TENM2: variants seen among roughly 807,000 people sequenced by gnomAD.
TENM2 encodes teneurin transmembrane protein 2.
TENM2 carries 52 observed loss-of-function variants against 245.2 expected under a neutral mutation model. The observed-to-expected ratio is 0.21, with a 90% CI of 0.17 to 0.27. The LOEUF (loss-of-function observed/expected upper bound fraction) is 0.27, where lower values mean the gene tolerates loss of function less well. Ranked by LOEUF, TENM2 falls within the 10% of genes least tolerant of loss-of-function variation. The probability of loss-of-function intolerance (pLI) is 1.00; values close to 1 mark genes in which losing one functional copy is unlikely to be tolerated. For synonymous variants in TENM2, 1,363 were observed against 1,438.9 expected (o/e 0.95, Z 1.19); for missense variants, 3,046 against 3,666.8 (o/e 0.83, Z 4.37).
In TENM2 at chr5:167,853,289, C is replaced by CAAAAAAAAAAAAAAAAA. The variant is rs777170514; in HGVS notation, c.503-22690_503-22674dup. The stretch of plus-strand genomic sequence containing the variant: ...TGGGAGACAGAGCGAGACTCCGTCT[C>CAAAAAAAAAAAAAAAAA]AAAAAAAAAAAAAAAAAAAAAAAGA... On this transcript the variant is annotated intron_variant, in intron 2 of 28. Transcript: ENST00000518659. 2.6e-3 allele frequency among the ~76,000 whole-genome samples: 63 copies of CAAAAAAAAAAAAAAAAA among 24,606 alleles called. 2 individuals are homozygous for CAAAAAAAAAAAAAAAAA. Among genetic ancestry groups the CAAAAAAAAAAAAAAAAA allele is most frequent in the African/African-American group, 5.9e-3 (39 of 6,624 alleles). 16.1% of individuals were successfully genotyped at this position (24,606 alleles called of 152,430 possible). A position where few individuals can be genotyped will look rare whatever the true frequency, so the allele number is the denominator to read the frequency against.
chr5:167,962,248 A>G (rs1276929513), intron 4 of TENM2, among the ~76,000 whole-genome samples: 1 of 152,062 alleles, frequency 6.6e-6, no homozygotes, highest in Non-Finnish European at 1.5e-5. Context: ...AAAGAAAAAA[A>G]TTGGTGGGAA....
intron 2 of TENM2, among the ~76,000 whole-genome samples, chr5:167,701,540 C>G (rs1169113012): frequency 2.6e-5 from 4 of 152,082 alleles, no homozygotes; most frequent in African/African-American, 9.7e-5. Context: ...ATATTTGAGA[C>G]CATTGACTTT....
chr5:167,614,794 C>G (rs1326042513), intron 2 of TENM2, among the ~76,000 whole-genome samples: 1 of 152,114 alleles, frequency 6.6e-6, no homozygotes, highest in Non-Finnish European at 1.5e-5. Flanking sequence ...TCACTTCCAG[C>G]TTCATGCGAT....
chr5:167,464,484 G>A (rs1297893023), intron 2 of TENM2, among the ~76,000 whole-genome samples: 1 of 152,080 alleles, frequency 6.6e-6, no homozygotes. Flanking sequence ...ACAGGAAGGG[G>A]CAAAAAGTAA....
upstream of TENM2, among the ~76,000 whole-genome samples, chr5:167,283,837 A>C (rs1771188561): frequency 6.6e-6 from 1 of 152,230 alleles, no homozygotes; most frequent in Non-Finnish European, 1.5e-5. Context: ...TGCTAAGCAG[A>C]AGGCGAGTGT....
intron 2 of TENM2, among the ~76,000 whole-genome samples, chr5:167,379,174 A>G (rs1436232204): frequency 1.3e-5 from 2 of 152,176 alleles, no homozygotes; most frequent in East Asian, 3.9e-4. Context: ...ATTCCATTGC[A>G]TTTCACAAAA....
chr5:167,101,456 A>G, the TENM2 span, among the ~76,000 whole-genome samples: 1 of 152,262 alleles, frequency 6.6e-6, no homozygotes, highest in Admixed American at 6.5e-5. Flanking sequence ...TTCCAAAGAT[A>G]ATGGCAATGG....
chr5:167,234,982 A>G, the TENM2 span, among the ~76,000 whole-genome samples: 1 of 152,124 alleles, frequency 6.6e-6, no homozygotes, highest in Non-Finnish European at 1.5e-5. Flanking sequence ...GAATACCTGC[A>G]GATATTAGTT....
At chr5:167,312,308 T>A (rs1484234388) in intron 1 of TENM2, among the ~76,000 whole-genome samples, 1 of 152,178 alleles carries the variant, frequency 6.6e-6, no homozygotes, top group Non-Finnish European at 1.5e-5. Context: ...AGATGTGATG[T>A]GTTTTAATCA....
chr5:167,591,777 A>G (rs1582476958), intron 2 of TENM2, among the ~76,000 whole-genome samples: 1 of 152,220 alleles, frequency 6.6e-6, no homozygotes, highest in South Asian at 2.1e-4. Context: ...TCTGCATAGA[A>G]CAGCCACTCA....
chr5:167,188,782 TTTAAGA>T, the TENM2 span, among the ~76,000 whole-genome samples: 1 of 152,178 alleles, frequency 6.6e-6, no homozygotes, highest in African/African-American at 2.4e-5. Flanking sequence ...ATGTTTGGAC[TTTAAGA>T]TTATACGAAT....
intron 5 of TENM2, among the ~76,000 whole-genome samples, chr5:168,038,916 G>A (rs1255590720): frequency 6.6e-6 from 1 of 152,166 alleles, no homozygotes; most frequent in East Asian, 1.9e-4. Context: ...GGGCTCCAGA[G>A]TTCAGATCAG....
At chr5:167,571,779 A>G (rs988242675) in intron 2 of TENM2, among the ~76,000 whole-genome samples, 2 of 152,182 alleles carry the variant, frequency 1.3e-5, no homozygotes, top group African/African-American at 4.8e-5. Flanking sequence ...AAATAGTTGC[A>G]TCCTTGTAAC....
intron 2 of TENM2, among the ~76,000 whole-genome samples, chr5:167,613,185 A>G (rs1015845200): frequency 2.0e-5 from 3 of 152,192 alleles, no homozygotes; most frequent in African/African-American, 7.2e-5. Flanking sequence ...TGGCTCCACC[A>G]CTTACTCTGT....
chr5:167,680,124 T>G (rs1756601597), intron 2 of TENM2, among the ~76,000 whole-genome samples: 1 of 152,100 alleles, frequency 6.6e-6, no homozygotes, highest in African/African-American at 2.4e-5. Context: ...GCTTTGCAGC[T>G]GAACTATTTA....
At chr5:168,061,870 G>A (rs1381311498) in intron 6 of TENM2, among the ~76,000 whole-genome samples, 190 bp from the exon 9 acceptor site, 2 of 151,874 alleles carry the variant, frequency 1.3e-5, no homozygotes, top group Non-Finnish European at 2.9e-5. Context: ...GATGCCCTGG[G>A]GTGTGCATTT....
At chr5:167,220,983 T>C in the TENM2 span, among the ~76,000 whole-genome samples, 1 of 152,078 alleles carries the variant, frequency 6.6e-6, no homozygotes, top group East Asian at 1.9e-4. Flanking sequence ...CCTACCACCA[T>C]GCTCAGCTAA....
At chr5:167,140,574 A>G in the TENM2 span, among the ~76,000 whole-genome samples, 1 of 152,128 alleles carries the variant, frequency 6.6e-6, no homozygotes, top group African/African-American at 2.4e-5. Flanking sequence ...AAAATCTCAG[A>G]TTTTTCCTGA....
chr5:168,159,822 G>C (rs1436442905), intron 12 of TENM2, among the ~76,000 whole-genome samples: 1 of 152,172 alleles, frequency 6.6e-6, no homozygotes, highest in Admixed American at 6.5e-5. Context: ...CAGTTGGTCT[G>C]CAGGGGCAGG....
Sources: allele counts gnomAD v4.1 joint callset (sites outside exome capture counted in the v4.1 genomes callset), GRCh38; gene constraint gnomAD v4.1.1; transcripts MANE v1.5; gene names NCBI Gene and HGNC (gene_info 2026-07-23, HGNC 2026-07-21).